IQANK1: variants seen among roughly 807,000 people sequenced by gnomAD.
IQANK1 encodes IQ motif and ankyrin repeat containing 1.
Under a neutral mutation model 22.6 loss-of-function variants are expected in IQANK1, and 30 were observed. The observed-to-expected ratio is 1.33, with a 90% CI of 0.99 to 1.80. The LOEUF (loss-of-function observed/expected upper bound fraction) is 1.80. IQANK1 is among the 40% of genes most tolerant of loss of function. The pLI is 0.00. For synonymous variants in IQANK1, 122 were observed against 99.6 expected, an observed-to-expected ratio of 1.23 and a Z score of -1.34; for missense variants, 275 against 235.2, an observed-to-expected ratio of 1.17 and a Z score of -1.11.
In IQANK1 at chr8:143,771,459, G is replaced by A. The variant is rs1819571126; in HGVS notation, c.176-29G>A. On this transcript the variant is annotated intron_variant, in intron 3 of 13. Coordinates refer to ENST00000527139, the MANE Select transcript of IQANK1 (RefSeq NM_001381874.1). The surrounding 1 kb of genome is among the most constrained non-coding windows in gnomAD (Gnocchi z 6.0). Reference sequence around the variant, plus strand: ...AGCAGGCGTGGCTGGAGGCGAGAACGCGCCCCCGTGAGCCTCTCCCCACCC... The same window carrying A: ...AGCAGGCGTGGCTGGAGGCGAGAACACGCCCCCGTGAGCCTCTCCCCACCC... 2.5e-6 allele frequency: 1 copy of A among 397,238 alleles called. No individual in the cohort carries two copies. The allele number at this position is 397,238 out of a possible 1,614,324, so 24.6% of individuals were successfully genotyped here.
chr8:143,789,559 C>T lies in IQANK1; in HGVS notation c.1086+31C>T, dbSNP rs545025818. On this transcript the variant is annotated intron_variant, in intron 10 of 13. Transcript: ENST00000527139. ...GGCCCGTGGTGGACTTGATATGCCC[C>T]TGCGTCCTCAACACCCCTCCTTGTT... 2.4e-6 allele frequency: 3 copies of T among 1,232,112 alleles called. No homozygotes were observed. In the East Asian group the frequency reaches 9.5e-5, roughly 39 times the overall value. The allele number at this position is 1,232,112 out of a possible 1,614,324, so 76.3% of individuals were successfully genotyped here.
chr8:143,748,857 AT>A (rs1234910634), intron 3 of IQANK1, among the ~76,000 whole-genome samples: 60 of 73,654 alleles, frequency 8.1e-4, no homozygotes, highest in African/African-American at 3.4e-3. Context: ...AAATATATAT[AT>A]CATATATAAA....
At chr8:143,786,651 C>T (rs1819894794) in intron 7 of IQANK1, among the ~76,000 whole-genome samples, 1 of 152,196 alleles carries the variant, frequency 6.6e-6, no homozygotes, top group Non-Finnish European at 1.5e-5. Context: ...CCTTAGGACC[C>T]ATCCTTGAAC....
chr8:143,763,479 G>T (rs781943909), intron 3 of IQANK1, among the ~76,000 whole-genome samples: 1 of 152,156 alleles, frequency 6.6e-6, no homozygotes, highest in Non-Finnish European at 1.5e-5. Context: ...TCAAAAGTGG[G>T]GCCTGGTGGG....
chr8:143,771,639 C>A lies in IQANK1; in HGVS notation c.306+21C>A. ...AGGAGGTGAGGACGGGCAGCCGCAA[C>A]AGCCGGGGGCCAGGCAGGAGGCAGG... On this transcript the variant is annotated intron_variant, in intron 4 of 13. Transcript: ENST00000527139. The surrounding 1 kb of genome is among the most constrained non-coding windows in gnomAD (Gnocchi z 6.0). 1 of 399,570 alleles carries A rather than the reference C, an allele frequency of 2.5e-6. No homozygotes were observed. Among genetic ancestry groups the A allele is most frequent in the Admixed American group, 4.4e-5 (1 of 22,698 alleles). 24.8% of individuals were successfully genotyped at this position (399,570 alleles called of 1,614,324 possible). A position where few individuals can be genotyped will look rare whatever the true frequency, so the allele number is the denominator to read the frequency against.
chr8:143,751,664 G>GTGTGTATATATATATATATATATA lies in IQANK1; in HGVS notation c.175+11717_175+11718insGTGTATATATATATATATATATAT, dbSNP rs370428606. 2.7e-3 allele frequency among the ~76,000 whole-genome samples: 169 copies of GTGTGTATATATATATATATATATA among 61,526 alleles called. 1 individual carries two copies. The highest frequency in any genetic ancestry group is 4.4e-3 in the Non-Finnish European group (120 of 27,226). 40.4% of individuals were successfully genotyped at this position (61,526 alleles called of 152,430 possible). A position where few individuals can be genotyped will look rare whatever the true frequency, so the allele number is the denominator to read the frequency against. On this transcript the variant is annotated intron_variant, in intron 3 of 13. Coordinates refer to ENST00000527139, the MANE Select transcript of IQANK1 (RefSeq NM_001381874.1). ...TGTGTGTGTGTGTGTGTGTGTGTGTGTATATATATATATAAAATCCTATAC... is the reference window on the plus strand; with the variant it reads ...TGTGTGTGTGTGTGTGTGTGTGTGTGTGTGTATATATATATATATATATATATATATATATATAAAATCCTATAC...
chr8:143,757,025 C>T (rs546287026), intron 3 of IQANK1, among the ~76,000 whole-genome samples: 2 of 151,772 alleles, frequency 1.3e-5, no homozygotes, highest in South Asian at 2.1e-4. Context: ...TGCTCTAAAA[C>T]GCTAGGGTTC....
intron 7 of IQANK1, among the ~76,000 whole-genome samples, chr8:143,775,093 T>G (rs564475409): frequency 4.6e-5 from 7 of 151,950 alleles, no homozygotes; most frequent in Non-Finnish European, 1.0e-4. Context: ...AAACTGCACA[T>G]GTGAGAAAAT....
chr8:143,760,170 C>T (rs572447052), intron 3 of IQANK1, among the ~76,000 whole-genome samples: 10 of 152,260 alleles, frequency 6.6e-5, no homozygotes, highest in South Asian at 4.2e-4. Flanking sequence ...CAGTGGCTCC[C>T]GTGGGGAAGG....
intron 3 of IQANK1, among the ~76,000 whole-genome samples, chr8:143,754,784 C>G (rs1275577641): frequency 6.6e-6 from 1 of 152,060 alleles, no homozygotes; most frequent in Non-Finnish European, 1.5e-5. Flanking sequence ...AACCACCACG[C>G]CCGGCTAATT....
At chr8:143,734,957 C>T (rs1435960449) in intron 1 of IQANK1, among the ~76,000 whole-genome samples, 1 of 152,068 alleles carries the variant, frequency 6.6e-6, no homozygotes, top group Non-Finnish European at 1.5e-5. Context: ...ACTGGATCAT[C>T]TGTCCAAACC....
chr8:143,748,830 T>TTCATATATAAATATATAAATATGTATA (rs1819104389), intron 3 of IQANK1, among the ~76,000 whole-genome samples: 1 of 84,004 alleles, frequency 1.2e-5, no homozygotes, highest in Non-Finnish European at 2.1e-5. Context: ...AAATATATAT[T>TTCATATATAAATATATAAATATGTATA]TCATATATAA....
chr8:143,785,273 T>C (rs1292160864), intron 7 of IQANK1, among the ~76,000 whole-genome samples: 3 of 129,226 alleles, frequency 2.3e-5, no homozygotes, highest in African/African-American at 8.8e-5. Context: ...TTTTTTTTTT[T>C]TGAGACAGAG....
rs1028000071 is a variant in IQANK1 at position 143,771,544 on chromosome 8, G to C, written c.232G>C (p.Ala78Pro). The C allele has an allele frequency of 3.1e-4, 124 of 398,148 alleles. 1 individual carries two copies. The highest frequency in any genetic ancestry group is 2.6e-4 in the Non-Finnish European group (59 of 225,836). The allele number at this position is 398,148 out of a possible 1,614,324, so 24.7% of individuals were successfully genotyped here. A position where few individuals can be genotyped will look rare whatever the true frequency, so the allele number is the denominator to read the frequency against. The change falls in exon 4 of 14, where the codon GCC (alanine) becomes CCC (proline). Residue 78 changes from alanine to proline, a missense_variant. Transcript: ENST00000527139. This position sits in a 1 kb window ranked among gnomAD's most constrained non-coding sequence, Gnocchi z 6.0. ...AIQGAFRQLR[A>P]RRELARRREE... is the part of the protein sequence containing the mutation. ...CCAGGGCGCCTTCCGGCAGCTCCGGGCCAGGAGGGAGCTCGCCCGCCGCCG... is the reference window on the plus strand; with the variant it reads ...CCAGGGCGCCTTCCGGCAGCTCCGGCCCAGGAGGGAGCTCGCCCGCCGCCG...
chr8:143,746,674 T>C (rs1554627236), intron 3 of IQANK1, among the ~76,000 whole-genome samples: 1 of 152,146 alleles, frequency 6.6e-6, no homozygotes, highest in East Asian at 1.9e-4. Flanking sequence ...TGAGCCACCA[T>C]GCCCAGGCTT....
At chr8:143,738,216 G>A (rs782547896) in intron 2 of IQANK1, among the ~76,000 whole-genome samples, 10 of 152,188 alleles carry the variant, frequency 6.6e-5, no homozygotes, top group African/African-American at 1.9e-4. Flanking sequence ...TTGCGAACTC[G>A]ACTTCGTTTC....
chr8:143,748,603 T>C (rs1478720741), intron 3 of IQANK1, among the ~76,000 whole-genome samples: 5 of 130,492 alleles, frequency 3.8e-5, no homozygotes, highest in African/African-American at 8.8e-5. Flanking sequence ...ATATATATCA[T>C]ATATAATATA....
chr8:143,736,592 G>A (rs1587467013), intron 2 of IQANK1, among the ~76,000 whole-genome samples: 1 of 152,152 alleles, frequency 6.6e-6, no homozygotes, highest in Non-Finnish European at 1.5e-5. Flanking sequence ...AAACAGGAGG[G>A]TTTGAGTCCA....
intron 7 of IQANK1, among the ~76,000 whole-genome samples, chr8:143,782,658 G>C (rs1819817088): frequency 6.6e-6 from 1 of 152,008 alleles, no homozygotes; most frequent in Non-Finnish European, 1.5e-5. Context: ...TTTTGTATTA[G>C]TAGAGACAGG....
Sources: allele counts gnomAD v4.1 joint callset (sites outside exome capture counted in the v4.1 genomes callset), GRCh38; gene constraint gnomAD v4.1.1; non-coding constraint Gnocchi (gnomAD v3.1); transcripts MANE v1.5; gene names NCBI Gene and HGNC (gene_info 2026-07-23, HGNC 2026-07-21).